The following RTF1 variants were observed in gnomAD, a reference collection of about 807,000 sequenced individuals.
RTF1 encodes the protein RTF1 homolog, Paf1/RNA polymerase II complex component.
RTF1 carries 10 observed loss-of-function variants against 95.7 expected under a neutral mutation model. The ratio of observed to expected loss-of-function variants is 0.10; its 90% CI spans 0.06 to 0.18. RTF1 has a LOEUF of 0.18. Ranked by LOEUF, RTF1 falls within the 10% of genes least tolerant of loss-of-function variation. The pLI is 1.00. For synonymous variants in RTF1, 305 were observed against 311.8 expected (o/e 0.98, Z 0.23); for missense variants, 458 against 875.6 (o/e 0.52, Z 6.02).
intron 6 of RTF1, among the ~76,000 whole-genome samples, chr15:41,467,708 C>T (rs1031114002): frequency 3.3e-5 from 5 of 150,764 alleles, no homozygotes; most frequent in African/African-American, 1.2e-4. Flanking sequence ...GAGTGAGACT[C>T]AATCTTAAAA....
At chr15:41,462,183 G>T (rs1159191837) in intron 4 of RTF1, among the ~76,000 whole-genome samples, 1 of 152,098 alleles carries the variant, frequency 6.6e-6, no homozygotes, top group Non-Finnish European at 1.5e-5. Context: ...GTGCAATATG[G>T]AAACTCTGGA....
intron 1 of RTF1, among the ~76,000 whole-genome samples, chr15:41,425,093 A>T (rs2050622251): frequency 6.6e-6 from 1 of 151,964 alleles, no homozygotes; most frequent in Non-Finnish European, 1.5e-5. Flanking sequence ...GTGCCACCAC[A>T]CTTGGCTAAT....
chr15:41,418,268 T>C (rs1220476332), intron 1 of RTF1, among the ~76,000 whole-genome samples: 1 of 152,216 alleles, frequency 6.6e-6, no homozygotes, highest in African/African-American at 2.4e-5. Context: ...AGATAGTAGC[T>C]TTTGAGTAGA....
At chr15:41,419,365 A>G (rs528572784) in intron 1 of RTF1, among the ~76,000 whole-genome samples, 14 of 152,312 alleles carry the variant, frequency 9.2e-5, no homozygotes, top group Admixed American at 6.5e-4. Flanking sequence ...TCTACTTTAC[A>G]TAAAGAAAAT....
At chr15:41,471,583 C>G (rs1014570284) in intron 8 of RTF1, among the ~76,000 whole-genome samples, 14 of 152,278 alleles carry the variant, frequency 9.2e-5, no homozygotes, top group East Asian at 1.9e-4. Flanking sequence ...ATAATTTTCT[C>G]TATTCTCCCT....
chr15:41,438,221 C>A (rs1342112514), intron 1 of RTF1, 100 bp from the exon 2 acceptor site: 32 of 767,956 alleles, frequency 4.2e-5, no homozygotes, highest in Non-Finnish European at 6.2e-5. Flanking sequence ...GTTGAAAACA[C>A]AAAAATATAA....
chr15:41,475,537 C>A lies in RTF1; in HGVS notation c.1299C>A (p.Asp433Glu). 1 of 1,614,008 alleles carries A rather than the reference C, an allele frequency of 6.2e-7. No individual in the cohort carries two copies. Among genetic ancestry groups the A allele is most frequent in the Non-Finnish European group, 8.5e-7 (1 of 1,179,894 alleles). ...CTCTTTTATGTAGGCATGGCAATGA[C>A]CAACGCGTGTTCCGTTTAGAGTTTG... is the stretch of plus-strand genomic sequence containing the variant. ...NKGLQLRHGN[D>E]QRVFRLEFVS... is the part of the protein sequence containing the mutation. Residue 433 changes from aspartate (D) to glutamate (E), a missense_variant, in exon 10 of 18, where the codon GAC becomes GAA. Around this residue, in one of 11 missense-constraint regions of RTF1, gnomAD observed 150 missense variants for 275.7 expected, o/e 0.54. Transcript: ENST00000389629.
Position 41,480,818 on chromosome 15 carries a change from A to G in RTF1, c.*131A>G, listed in dbSNP as rs547298805. 115 of 681,166 alleles carry G rather than the reference A, an allele frequency of 1.7e-4. No individual in the cohort carries two copies. Among genetic ancestry groups the G allele is most frequent in the Admixed American group, 4.1e-4 (17 of 41,790 alleles). 42.2% of individuals were successfully genotyped at this position (681,166 alleles called of 1,614,324 possible). On this transcript the variant is annotated 3_prime_UTR_variant, in exon 18 of 18. Transcript: ENST00000389629. ...GGGAAGAGACTCTAAACTGCCAGTC[A>G]TCTGTAATATAAACCATTTGCTGTA...
intron 2 of RTF1, among the ~76,000 whole-genome samples, chr15:41,452,418 C>CA (rs2050793504): frequency 6.6e-6 from 1 of 151,720 alleles, no homozygotes; most frequent in South Asian, 2.1e-4. Context: ...GCCTGGGTGA[C>CA]AGAGCGAGAC....
chr15:41,438,389 T>G lies in RTF1; in HGVS notation c.267T>G (p.Pro89=), dbSNP rs764083132. The G allele has an allele frequency of 2.6e-6, 4 of 1,551,112 alleles. No homozygotes were observed. The South Asian group carries it at 3.6e-5, about 14-fold the overall frequency. ...SEEKEPPVSQ[P]AASSDSETSD... ...AGAAGGAGCCGCCTGTGAGTCAGCC[T>G]GCAGCCTCGTCAGACTCGGAGACGT... Residue 89 remains proline, a synonymous_variant, in exon 2 of 18, where the codon CCT becomes CCG. Transcript: ENST00000389629.
At chr15:41,460,762 C>T (rs539188255) in intron 4 of RTF1, among the ~76,000 whole-genome samples, 80 of 151,760 alleles carry the variant, frequency 5.3e-4, no homozygotes, top group African/African-American at 1.7e-3. Context: ...GGTGTGAACT[C>T]GGCTCACTAC....
At position 41,477,302 on chromosome 15, in the gene RTF1, T is replaced by C; in HGVS notation, c.1682+16T>C. 1.9e-6 allele frequency: 3 copies of C among 1,614,208 alleles called. No homozygotes were observed. The highest frequency in any genetic ancestry group is 1.7e-6 in the Non-Finnish European group (2 of 1,180,018). On this transcript the variant is annotated intron_variant, in intron 13 of 17. Transcript: ENST00000389629. ...CCGCTATCAGGTGTGTTATGGAGCCTATTTTTGGCCCGCAGACCTTGGCCA... is the reference window on the plus strand; with the variant it reads ...CCGCTATCAGGTGTGTTATGGAGCCCATTTTTGGCCCGCAGACCTTGGCCA...
Position 41,482,427 on chromosome 15 carries a change from G to A in RTF1, c.*1740G>A, listed in dbSNP as rs953423955. 5 of 152,544 alleles carry A rather than the reference G, an allele frequency of 3.3e-5. No individual in the cohort carries two copies. The highest frequency in any genetic ancestry group is 7.3e-5 in the Non-Finnish European group (5 of 68,048). The allele number at this position is 152,544 out of a possible 1,614,324, so 9.4% of individuals were successfully genotyped here. On this transcript the variant is annotated 3_prime_UTR_variant, in exon 18 of 18. Transcript: ENST00000389629. ...CCTCACCCTGCTTTCGTACAAGGAA[G>A]GGGGACGATGGGAAATCATGGACTT...
At chr15:41,423,299 G>T (rs372725691) in intron 1 of RTF1, among the ~76,000 whole-genome samples, 2 of 152,094 alleles carry the variant, frequency 1.3e-5, no homozygotes, top group African/African-American at 2.4e-5. Context: ...TTTGTGTCAT[G>T]TTGCATCTAG....
At chr15:41,456,171 C>T (rs994859922) in intron 3 of RTF1, among the ~76,000 whole-genome samples, 1 of 132,608 alleles carries the variant, frequency 7.5e-6, no homozygotes, top group Non-Finnish European at 1.6e-5. Flanking sequence ...GCCTAGGCAA[C>T]AAAAGTGAAA....
intron 5 of RTF1, among the ~76,000 whole-genome samples, chr15:41,465,367 G>T (rs577947438): frequency 4.5e-4 from 69 of 152,244 alleles, no homozygotes; most frequent in African/African-American, 1.4e-3. Context: ...GCCCTCAACT[G>T]CAGTGACTCA....
At chr15:41,476,350 T>A (rs2140656316) in intron 11 of RTF1, 96 bp from the exon 12 acceptor site, 1 of 913,178 alleles carries the variant, frequency 1.1e-6, no homozygotes, top group Non-Finnish European at 1.8e-6. Flanking sequence ...GCAGCCCCTT[T>A]GTAACTAGCT....
chr15:41,436,875 T>C (rs1275149328), intron 1 of RTF1, among the ~76,000 whole-genome samples: 2 of 151,780 alleles, frequency 1.3e-5, no homozygotes, highest in Admixed American at 6.6e-5. Flanking sequence ...GATTACAAGG[T>C]CAGGAGATCG....
At chr15:41,477,962 C>T (rs181202278) in intron 14 of RTF1, among the ~76,000 whole-genome samples, 5 of 150,866 alleles carry the variant, frequency 3.3e-5, no homozygotes, top group African/African-American at 4.9e-5. Flanking sequence ...AAAAATGAGC[C>T]GGACATGGTG....
Sources: gnomAD v4.1 joint callset for allele counts (sites outside exome capture counted in the v4.1 genomes callset) on GRCh38, gnomAD v4.1.1 for gene constraint, gnomAD v4.1.1 regional missense constraint, MANE v1.5 for transcripts, NCBI Gene and HGNC (gene_info 2026-07-23, HGNC 2026-07-21) for gene names.